Variants in TSPAN7 observed in about 807,000 individuals in gnomAD.
The protein encoded by TSPAN7 is tetraspanin-7.
In TSPAN7, 1 loss-of-function variant was observed where a neutral mutation model predicts 17.6. That is an observed-to-expected ratio of 0.06 (90% confidence interval 0.02 to 0.27). The LOEUF is 0.27. TSPAN7 is among the 10% of genes least tolerant of loss of function. The pLI, the probability that TSPAN7 is intolerant of heterozygous loss-of-function variation, is 1.00. For missense variants in TSPAN7, 112 were observed against 201.7 expected, an observed-to-expected ratio of 0.56 and a Z score of 2.69; for synonymous variants, 78 against 79.0, an observed-to-expected ratio of 0.99 and a Z score of 0.07.
At chrX:38,578,584 G>A (rs1001472179) in intron 1 of TSPAN7, among the ~76,000 whole-genome samples, 1 of 110,995 alleles carries the variant, frequency 9.0e-6, no homozygotes, top group Non-Finnish European at 1.9e-5. Context: ...AGAACAGGCC[G>A]CTCTTTGAGT....
chrX:38,673,802 T>A (rs990534882), intron 3 of TSPAN7, among the ~76,000 whole-genome samples: 1 of 111,545 alleles, frequency 9.0e-6, no homozygotes, highest in African/African-American at 3.3e-5. Flanking sequence ...AAAACATCAG[T>A]CATCCTGTCC....
intron 1 of TSPAN7, among the ~76,000 whole-genome samples, chrX:38,645,376 C>T (rs1054159486): frequency 8.9e-6 from 1 of 111,909 alleles, no homozygotes. Context: ...TCCAAGAGCT[C>T]AATTTAAAAC....
intron 5 of TSPAN7, among the ~76,000 whole-genome samples, chrX:38,680,438 C>CT (rs1360336115): frequency 9.1e-6 from 1 of 110,204 alleles, no homozygotes; most frequent in African/African-American, 3.3e-5. Context: ...AGTTGAAGCC[C>CT]TTTTCCAGAA....
At chrX:38,658,580 G>A (rs369361284) in intron 1 of TSPAN7, among the ~76,000 whole-genome samples, 4 of 111,362 alleles carry the variant, frequency 3.6e-5, no homozygotes, top group East Asian at 2.8e-4. Flanking sequence ...TCTGTTTTGC[G>A]TCTCTTTGCT....
intron 2 of TSPAN7, among the ~76,000 whole-genome samples, chrX:38,669,991 G>A (rs1167582924): frequency 8.9e-6 from 1 of 111,920 alleles, no homozygotes; most frequent in Non-Finnish European, 1.9e-5. Flanking sequence ...TGTACATGGG[G>A]CATTCTCATA....
chrX:38,673,781 A>G (rs907737536), intron 3 of TSPAN7, among the ~76,000 whole-genome samples: 1 of 111,439 alleles, frequency 9.0e-6, no homozygotes, highest in Non-Finnish European at 1.9e-5. Context: ...AACAGGGATC[A>G]GTTTTTGACC....
chrX:38,676,182 G>A (rs768516769), intron 5 of TSPAN7, among the ~76,000 whole-genome samples: 2 of 111,309 alleles, frequency 1.8e-5, no homozygotes, highest in South Asian at 3.9e-4. Flanking sequence ...TGGGGTGTCC[G>A]TCTTCTGCTT....
In TSPAN7 at chrX:38,674,229, C is replaced by T; in HGVS notation, c.354C>T (p.Asp118=). Residue 118 remains aspartate, a synonymous_variant, in exon 4 of 8, where the codon GAC becomes GAT. Coordinates refer to ENST00000378482, the MANE Select transcript of TSPAN7 (RefSeq NM_004615.4). ...CTCCTTGTCTTCCATAGATCAAGGA[C>T]ACCTTCCTGAGGACTTACACGGACG... is the stretch of plus-strand genomic sequence containing the variant. The part of the protein sequence containing the change: ...SGFVFRHEIK[D]TFLRTYTDAM... 8.4e-7 allele frequency: 1 copy of T among 1,195,454 alleles called. No homozygotes were observed. Among genetic ancestry groups the T allele is most frequent in the Non-Finnish European group, 1.1e-6 (1 of 886,107 alleles).
intron 1 of TSPAN7, among the ~76,000 whole-genome samples, chrX:38,630,835 G>A (rs1237748955): frequency 8.9e-6 from 1 of 111,755 alleles, no homozygotes; most frequent in East Asian, 2.8e-4. Context: ...TACCCCATCT[G>A]TGATGACAAG....
At position 38,599,443 on chromosome X, in the gene TSPAN7, A is replaced by G. The variant is rs774955481; in HGVS notation, c.81+37816A>G. 2.7e-5 allele frequency among the ~76,000 whole-genome samples: 3 copies of G among 111,903 alleles called. No homozygotes were observed. The East Asian group carries it at 8.4e-4, about 31-fold the overall frequency. ...CTTTATCCTCTCTTGAATGTGAATT[A>G]AGCACATATGTAAGAATTGTACATA... On this transcript the variant is annotated intron_variant, in intron 1 of 7. Transcript: ENST00000378482.
intron 1 of TSPAN7, chrX:38,563,005 A>T (rs758514338): frequency 1.0e-6 from 1 of 969,231 alleles, no homozygotes; most frequent in South Asian, 2.0e-5. Context: ...AGGTACCGAG[A>T]ATCAGCTAGA....
chrX:38,568,374 A>C (rs959937679), intron 1 of TSPAN7, among the ~76,000 whole-genome samples: 1 of 107,571 alleles, frequency 9.3e-6, no homozygotes, highest in East Asian at 2.9e-4. Context: ...TAATTTTTTG[A>C]GCTCTTACAG....
chrX:38,608,580 CCTT>C (rs1485767988), intron 1 of TSPAN7, among the ~76,000 whole-genome samples: 1 of 110,833 alleles, frequency 9.0e-6, no homozygotes, highest in African/African-American at 3.3e-5. Context: ...GGTCTGTTCC[CCTT>C]CTTTATTTTA....
At chrX:38,580,559 A>C (rs1402011806) in intron 1 of TSPAN7, among the ~76,000 whole-genome samples, 1 of 111,908 alleles carries the variant, frequency 8.9e-6, no homozygotes, top group Non-Finnish European at 1.9e-5. Flanking sequence ...TTCTGTCAGC[A>C]ACAAAGGAGT....
chrX:38,636,533 A>G (rs1225995362), intron 1 of TSPAN7, among the ~76,000 whole-genome samples: 3 of 111,664 alleles, frequency 2.7e-5, no homozygotes, highest in East Asian at 2.8e-4. Flanking sequence ...CAAGGCTATC[A>G]TATTGAGCAG....
chrX:38,563,016 T>C, intron 1 of TSPAN7: 1 of 971,241 alleles, frequency 1.0e-6, no homozygotes, highest in African/African-American at 2.0e-5. Flanking sequence ...ATCAGCTAGA[T>C]GGCAAACCGG....
At chrX:38,671,213 T>C (rs2069819357) in intron 2 of TSPAN7, among the ~76,000 whole-genome samples, 163 bp from the exon 3 acceptor site, 1 of 112,399 alleles carries the variant, frequency 8.9e-6, no homozygotes, top group Non-Finnish European at 1.9e-5. Flanking sequence ...TTGAGGCTTA[T>C]GTGGGTAAAT....
At chrX:38,627,096 G>C (rs12010144) in intron 1 of TSPAN7, among the ~76,000 whole-genome samples, 9 of 112,322 alleles carry the variant, frequency 8.0e-5, no homozygotes, top group African/African-American at 2.9e-4. Flanking sequence ...ATTAGTCCAA[G>C]AAAGTCACAT....
chrX:38,684,748 G>A (rs1025988479), intron 6 of TSPAN7, among the ~76,000 whole-genome samples: 2 of 110,796 alleles, frequency 1.8e-5, no homozygotes, highest in Non-Finnish European at 3.8e-5. Context: ...CCCATATCAC[G>A]TAATATTATA....
Sources: gnomAD v4.1 joint callset for allele counts (sites outside exome capture counted in the v4.1 genomes callset) on GRCh38, gnomAD v4.1.1 for gene constraint, MANE v1.5 for transcripts, NCBI Gene and HGNC (gene_info 2026-07-23, HGNC 2026-07-21) for gene names.